NXPE2: variants seen among roughly 807,000 people sequenced by gnomAD.
The protein encoded by NXPE2 is neurexophilin and PC-esterase domain family member 2.
NXPE2 carries 34 observed loss-of-function variants against 34.4 expected under a neutral mutation model. That is an observed-to-expected ratio of 0.99 (90% CI 0.75 to 1.31). NXPE2 has a LOEUF of 1.31. Among genes scored for constraint, NXPE2 ranks in the 40% most tolerant of loss-of-function variants. NXPE2 has a pLI of 0.00. For synonymous variants in NXPE2, 235 were observed against 231.3 expected, an observed-to-expected ratio of 1.02 and a Z score of -0.15; for missense variants, 649 against 672.5, an observed-to-expected ratio of 0.97 and a Z score of 0.39.
the NXPE2 span, among the ~76,000 whole-genome samples, chr11:114,545,457 C>G: frequency 1.3e-5 from 2 of 152,092 alleles, no homozygotes; most frequent in African/African-American, 2.4e-5. Context: ...GAGAAAGAAG[C>G]CCATCTGAAA....
the NXPE2 span, chr11:114,527,939 T>G: frequency 6.7e-7 from 1 of 1,500,166 alleles, no homozygotes. Flanking sequence ...TAGCCTGCTC[T>G]CTGCCCATGT....
chr11:114,706,921 C>T lies in NXPE2; in HGVS notation c.1671C>T (p.Tyr557=), dbSNP rs1265507375. 1.4e-5 allele frequency: 21 copies of T among 1,541,996 alleles called. No homozygotes were observed. The highest frequency in any genetic ancestry group is 1.7e-5 in the Non-Finnish European group (19 of 1,140,430). ...ATCAGATTGGCATGTTCTTAAACTA[C>T]ATTTGTTAGAGGAAAAATACAAAAA... ...IQNQIGMFLN[Y]IC Residue 557 remains tyrosine, a synonymous_variant, in exon 6 of 6, where the codon TAC becomes TAT. Coordinates refer to ENST00000389586, the MANE Select transcript of NXPE2 (RefSeq NM_182495.6).
chr11:114,804,939 T>G, the NXPE2 span, among the ~76,000 whole-genome samples: 5 of 152,194 alleles, frequency 3.3e-5, no homozygotes, highest in African/African-American at 1.2e-4. Flanking sequence ...TGAAGGAATT[T>G]GAAAATGTAA....
At chr11:114,510,424 T>TG in the NXPE2 span, among the ~76,000 whole-genome samples, 1 of 152,252 alleles carries the variant, frequency 6.6e-6, no homozygotes, top group East Asian at 1.9e-4. Flanking sequence ...TTCATAGAGA[T>TG]GGGTCTCCCT....
chr11:114,668,213 G>C, the NXPE2 span, among the ~76,000 whole-genome samples: 2 of 152,064 alleles, frequency 1.3e-5, no homozygotes, highest in Non-Finnish European at 1.5e-5. Flanking sequence ...GCAAACCTTA[G>C]CTGCTTTCCT....
the NXPE2 span, among the ~76,000 whole-genome samples, chr11:114,602,540 A>T: frequency 2.9e-5 from 4 of 138,932 alleles, no homozygotes; most frequent in African/African-American, 1.0e-4. Context: ...TAATTATCTC[A>T]TATACAAATT....
At chr11:114,612,906 A>T in the NXPE2 span, among the ~76,000 whole-genome samples, 1 of 151,942 alleles carries the variant, frequency 6.6e-6, no homozygotes, top group Admixed American at 6.6e-5. Context: ...AAGCACTGTT[A>T]CCCGGTGGAT....
chr11:114,757,273 C>A, the NXPE2 span, among the ~76,000 whole-genome samples: 1 of 151,896 alleles, frequency 6.6e-6, no homozygotes, highest in African/African-American at 2.4e-5. Flanking sequence ...CCCTCCAGAG[C>A]AGATTCTTCC....
the NXPE2 span, among the ~76,000 whole-genome samples, chr11:114,601,277 T>C: frequency 6.7e-6 from 1 of 150,210 alleles, no homozygotes; most frequent in South Asian, 2.1e-4. Context: ...CAAAATCCAT[T>C]ATACCACTCT....
the NXPE2 span, among the ~76,000 whole-genome samples, chr11:114,726,839 G>A: frequency 6.6e-6 from 1 of 151,978 alleles, no homozygotes; most frequent in East Asian, 1.9e-4. Flanking sequence ...TTATAACAAG[G>A]ATTGCCTTTT....
the NXPE2 span, among the ~76,000 whole-genome samples, chr11:114,770,969 T>A: frequency 1.3e-5 from 2 of 152,212 alleles, no homozygotes; most frequent in African/African-American, 2.4e-5. Context: ...CAGGGTAATT[T>A]AATTATTCAT....
rs140895485 is a variant in NXPE2 at position 114,689,626 on chromosome 11, C to T, written c.133-8419C>T. Among the ~76,000 whole-genome samples the T allele has an allele frequency of 4.2e-3, 641 of 151,922 alleles. 1 individual carries two copies. Among genetic ancestry groups the T allele is most frequent in the African/African-American group, 0.011 (454 of 41,494 alleles). ...AATCAGTCAAGCATCAAATTTAAGC[C>T]GAGAATTTCTTTGTTTCTTTGTTAG... On this transcript the variant is annotated intron_variant, in intron 2 of 5. Coordinates refer to ENST00000389586, the MANE Select transcript of NXPE2 (RefSeq NM_182495.6).
At chr11:114,675,010 A>G (rs1434644416), upstream of NXPE2, among the ~76,000 whole-genome samples, 1 of 151,858 alleles carries the variant, frequency 6.6e-6, no homozygotes, top group Non-Finnish European at 1.5e-5. Flanking sequence ...ACACAAATCT[A>G]TACATGTAAT....
At chr11:114,639,358 G>C in the NXPE2 span, among the ~76,000 whole-genome samples, 1 of 151,982 alleles carries the variant, frequency 6.6e-6, no homozygotes, top group African/African-American at 2.4e-5. Context: ...CGATTTTCCA[G>C]GTGCCGTCTG....
At chr11:114,773,873 T>C in the NXPE2 span, among the ~76,000 whole-genome samples, 2 of 152,256 alleles carry the variant, frequency 1.3e-5, no homozygotes, top group African/African-American at 4.8e-5. Flanking sequence ...TTCACTCTCC[T>C]GATTCTCAGG....
the NXPE2 span, among the ~76,000 whole-genome samples, chr11:114,565,684 A>G: frequency 2.1e-4 from 32 of 152,260 alleles, no homozygotes; most frequent in African/African-American, 7.0e-4. Context: ...ATGACAGGAA[A>G]GACTCATCAT....
At chr11:114,735,322 A>G in the NXPE2 span, among the ~76,000 whole-genome samples, 1 of 152,100 alleles carries the variant, frequency 6.6e-6, no homozygotes, top group African/African-American at 2.4e-5. Context: ...TCCACTTTTT[A>G]TTAGTGGTTT....
chr11:114,799,808 C>T, the NXPE2 span, among the ~76,000 whole-genome samples: 1 of 152,162 alleles, frequency 6.6e-6, no homozygotes, highest in African/African-American at 2.4e-5. Flanking sequence ...AATGACAAGC[C>T]TAGAGAGTTC....
the NXPE2 span, among the ~76,000 whole-genome samples, chr11:114,638,883 T>C: frequency 6.6e-6 from 1 of 150,710 alleles, no homozygotes; most frequent in African/African-American, 2.5e-5. Context: ...TACTGGGGGG[T>C]GCCTCCTAGT....
Sources: allele counts gnomAD v4.1 joint callset (sites outside exome capture counted in the v4.1 genomes callset), GRCh38; gene constraint gnomAD v4.1.1; transcripts MANE v1.5; gene names NCBI Gene and HGNC (gene_info 2026-07-23, HGNC 2026-07-21).